Variants in SFI1 observed in about 807,000 individuals in gnomAD.
SFI1 encodes SFI1 centrin binding protein.
Under a neutral mutation model 207.5 loss-of-function variants are expected in SFI1, and 195 were observed. The observed-to-expected ratio is 0.94, with a 90% confidence interval of 0.84 to 1.06. SFI1 has a LOEUF of 1.06. Among genes scored for constraint, SFI1 ranks in the 50% least tolerant of loss-of-function variants. The pLI, the probability that SFI1 is intolerant of heterozygous loss-of-function variation, is 0.00. For missense variants in SFI1, 1,634 were observed against 1,588.0 expected (o/e 1.03, Z -0.49); for synonymous variants, 630 against 598.9 (o/e 1.05, Z -0.76).
At chr22:31,568,258 G>C (rs1161318642) in intron 8 of SFI1, among the ~76,000 whole-genome samples, 3 of 143,306 alleles carry the variant, frequency 2.1e-5, no homozygotes, top group African/African-American at 7.8e-5. Context: ...TGCATTTCTG[G>C]TCTGGCGCGA....
At chr22:31,587,771 G>C (rs1236992753) in intron 14 of SFI1, 1 of 152,092 alleles carries the variant, frequency 6.6e-6, no homozygotes, top group Non-Finnish European at 1.5e-5. Context: ...TCATTATACT[G>C]TCGGCTTCTA....
At chr22:31,570,430 AG>A (rs1365365150) in intron 8 of SFI1, among the ~76,000 whole-genome samples, 1 of 151,850 alleles carries the variant, frequency 6.6e-6, no homozygotes, top group Non-Finnish European at 1.5e-5. Flanking sequence ...AGAGATTAGG[AG>A]GAGCCCAATT....
intron 1 of SFI1, among the ~76,000 whole-genome samples, chr22:31,501,526 A>G (rs1486084195): frequency 6.6e-6 from 1 of 152,050 alleles, no homozygotes; most frequent in Admixed American, 6.6e-5. Flanking sequence ...GGCTTTATTT[A>G]TGTGGTCTGC....
intron 15 of SFI1, among the ~76,000 whole-genome samples, chr22:31,600,077 G>A (rs2067867450): frequency 6.6e-6 from 1 of 151,818 alleles, no homozygotes; most frequent in South Asian, 2.1e-4. Context: ...TTGTAGAGAC[G>A]AGGTCTCACT....
At chr22:31,596,663 C>T (rs2067159492) in intron 15 of SFI1, among the ~76,000 whole-genome samples, 1 of 151,028 alleles carries the variant, frequency 6.6e-6, no homozygotes, top group Non-Finnish European at 1.5e-5. Flanking sequence ...TGGTGGCGCA[C>T]ATCCCAGCTA....
At chr22:31,565,066 G>A (rs1032314600) in intron 8 of SFI1, among the ~76,000 whole-genome samples, 7 of 143,510 alleles carry the variant, frequency 4.9e-5, no homozygotes, top group African/African-American at 7.8e-5. Flanking sequence ...CTCGTGATCC[G>A]CCTGCCTTGG....
chr22:31,566,967 G>C (rs560263064), intron 8 of SFI1, among the ~76,000 whole-genome samples: 19 of 152,102 alleles, frequency 1.2e-4, no homozygotes, highest in African/African-American at 4.6e-4. Flanking sequence ...GTGCAGTGGT[G>C]CGATCTCGGC....
At chr22:31,580,542 CT>C (rs11347645) in intron 12 of SFI1, among the ~76,000 whole-genome samples, 178 bp downstream of exon 12, 18,051 of 117,156 alleles carry the variant, frequency 0.15, 784 homozygotes, top group East Asian at 0.32. Context: ...CTTTTCTTTT[CT>C]TTTTTTTTTT....
In SFI1 at chr22:31,611,166, C is replaced by T. The variant is rs768401003; in HGVS notation, c.2278C>T (p.Arg760Cys). Residue 760 changes from arginine to cysteine, a missense_variant, in exon 23 of 33, where the codon CGC becomes TGC. Coordinates refer to ENST00000400288, the MANE Select transcript of SFI1 (RefSeq NM_001007467.3). The part of the protein sequence containing the change: ...DRGCLRTWFQ[R>C]WWDCSRRSAQ... ...AGGCTGTCTGCGGACCTGGTTTCAG[C>T]GCTGGTGGGACTGCAGCCGGAGGTC... 3.6e-5 allele frequency: 58 copies of T among 1,614,048 alleles called. No homozygotes were observed. The highest frequency in any genetic ancestry group is 5.0e-5 in the Admixed American group (3 of 60,004).
intron 1 of SFI1, among the ~76,000 whole-genome samples, chr22:31,507,021 A>T (rs942044691): frequency 6.6e-6 from 1 of 152,230 alleles, no homozygotes; most frequent in South Asian, 2.1e-4. Context: ...TAAAATTCAT[A>T]TGGAACAAAA....
intron 4 of SFI1, among the ~76,000 whole-genome samples, chr22:31,535,754 A>G (rs578247433): frequency 3.4e-3 from 522 of 152,114 alleles, no homozygotes; most frequent in African/African-American, 0.011. Context: ...ATGTCTTTAT[A>G]TATTTTTTAG....
chr22:31,615,767 T>TA (rs144098798), intron 29 of SFI1: 1,670 of 154,772 alleles, frequency 0.011, 38 homozygotes, highest in African/African-American at 0.038. Context: ...TGAGGCAGGA[T>TA]ATGCTGCTCT....
intron 15 of SFI1, among the ~76,000 whole-genome samples, chr22:31,590,967 A>ATTTT (rs1005027663): frequency 1.2e-4 from 17 of 144,968 alleles, no homozygotes; most frequent in African/African-American, 3.3e-4. Flanking sequence ...TTATTTATTT[A>ATTTT]TTTATTTATT....
intron 10 of SFI1, among the ~76,000 whole-genome samples, chr22:31,576,015 T>C (rs186421465): frequency 6.6e-6 from 1 of 152,054 alleles, no homozygotes; most frequent in East Asian, 1.9e-4. Context: ...CTTTAACTCC[T>C]GTGTACATAT....
chr22:31,593,631 A>G (rs1191944002), intron 15 of SFI1, among the ~76,000 whole-genome samples: 117 of 114,910 alleles, frequency 1.0e-3, no homozygotes, highest in Non-Finnish European at 1.6e-3. Flanking sequence ...GCACTTTGGG[A>G]GGCCAAGGCA....
intron 2 of SFI1, among the ~76,000 whole-genome samples, chr22:31,525,530 C>A (rs2057799665): frequency 6.6e-6 from 1 of 152,124 alleles, no homozygotes; most frequent in African/African-American, 2.4e-5. Context: ...GAGTTCAAGA[C>A]CATCCTGCGC....
intron 2 of SFI1, among the ~76,000 whole-genome samples, chr22:31,511,365 G>A (rs918662423): frequency 6.6e-6 from 1 of 151,884 alleles, no homozygotes; most frequent in Non-Finnish European, 1.5e-5. Context: ...TACATGGTCC[G>A]CAGAGTACTC....
At chr22:31,523,723 T>A (rs545373554) in intron 2 of SFI1, among the ~76,000 whole-genome samples, 1 of 152,116 alleles carries the variant, frequency 6.6e-6, no homozygotes, top group Non-Finnish European at 1.5e-5. Flanking sequence ...CCAAACAATA[T>A]TATCTCCATC....
rs1235351951 is a variant in SFI1 at position 31,618,471 on chromosome 22, C to T, written c.*53C>T. 1.4e-6 allele frequency: 2 copies of T among 1,437,696 alleles called. No individual in the cohort carries two copies. Among genetic ancestry groups the T allele is most frequent in the Admixed American group, 2.8e-5 (1 of 35,434 alleles). The allele number at this position is 1,437,696 out of a possible 1,614,324, so 89.1% of individuals were successfully genotyped here. On this transcript the variant is annotated 3_prime_UTR_variant, in exon 33 of 33. Coordinates refer to ENST00000400288, the MANE Select transcript of SFI1 (RefSeq NM_001007467.3). ...GGGCTGTCGGGGAGGCCTCAGGCCA[C>T]CTCCAGGAACAGAACACAGTTTTAA...
Sources: gnomAD v4.1 joint callset for allele counts (sites outside exome capture counted in the v4.1 genomes callset) on GRCh38, gnomAD v4.1.1 for gene constraint, MANE v1.5 for transcripts, NCBI Gene and HGNC (gene_info 2026-07-23, HGNC 2026-07-21) for gene names.